THSD4: variants seen among roughly 807,000 people sequenced by gnomAD.
The protein encoded by THSD4 is thrombospondin type-1 domain-containing protein 4.
A neutral mutation model predicts 119.0 loss-of-function variants in THSD4; 69 were observed. The observed-to-expected ratio is 0.58, with a 90% CI of 0.48 to 0.71. The LOEUF is 0.71. THSD4 is among the 30% of genes least tolerant of loss of function. The probability of loss-of-function intolerance (pLI) is 0.00; values close to 1 mark genes in which losing one functional copy is unlikely to be tolerated. For synonymous variants in THSD4, 524 were observed against 540.4 expected (o/e 0.97, Z 0.42); for missense variants, 1,393 against 1,391.1 (o/e 1.00, Z -0.02).
chr15:71,140,238 A>C (rs1458144834), intron 1 of THSD4, among the ~76,000 whole-genome samples: 1 of 152,210 alleles, frequency 6.6e-6, no homozygotes, highest in Non-Finnish European at 1.5e-5. Flanking sequence ...AGGCTGTACA[A>C]GAAGCATGGT....
At chr15:71,748,256 G>T (rs1312482261) in intron 13 of THSD4, among the ~76,000 whole-genome samples, 165 bp from the exon 14 acceptor site, 2 of 152,126 alleles carry the variant, frequency 1.3e-5, no homozygotes, top group African/African-American at 2.4e-5. Context: ...TGTAGAAAAG[G>T]GTTGTGGAGT....
intron 4 of THSD4, among the ~76,000 whole-genome samples, 197 bp from the exon 5 acceptor site, chr15:71,242,452 A>G (rs1371960194): frequency 6.6e-6 from 1 of 152,002 alleles, no homozygotes; most frequent in African/African-American, 2.4e-5. Flanking sequence ...TCTACTTTCC[A>G]ACTTCTGTGG....
intron 6 of THSD4, among the ~76,000 whole-genome samples, chr15:71,377,867 A>AACACACACACACACACACACACACAC (rs376497737): frequency 5.2e-4 from 45 of 86,332 alleles, no homozygotes; most frequent in African/African-American, 1.9e-3. Context: ...ACATATCCAC[A>AACACACACACACACACACACACACAC]ACACACACAC....
intron 6 of THSD4, among the ~76,000 whole-genome samples, chr15:71,368,252 G>A (rs1157195013): frequency 6.6e-6 from 1 of 152,118 alleles, no homozygotes; most frequent in African/African-American, 2.4e-5. Context: ...CACTCTGATG[G>A]TTGTTTCTTT....
At chr15:71,344,012 G>A (rs1463140245) in intron 6 of THSD4, among the ~76,000 whole-genome samples, 2 of 150,462 alleles carry the variant, frequency 1.3e-5, no homozygotes, top group Admixed American at 6.6e-5. Context: ...GGTTACAGGC[G>A]TGAGCCACTG....
chr15:71,272,676 C>T (rs1018979724), intron 6 of THSD4, among the ~76,000 whole-genome samples: 6 of 151,842 alleles, frequency 4.0e-5, no homozygotes, highest in Non-Finnish European at 5.9e-5. Flanking sequence ...AGCTTGGCCA[C>T]GTAGTGAAGC....
Position 71,745,223 on chromosome 15 carries a change from C to G in THSD4, c.2024C>G (p.Pro675Arg). ...TPEEEPCNIF[P>R]CPAFWDIGEW... is the part of the protein sequence containing the mutation. The stretch of plus-strand genomic sequence containing the variant: ...GAGGAGGAGCCCTGCAACATCTTCC[C>G]TTGCCCAGCCTTGTAAGAAGGCCCC... Residue 675 changes from proline (P) to arginine (R), a missense_variant, in exon 12 of 18, where the codon CCT (proline) becomes CGT (arginine). Pro to Arg is a moderately radical substitution (Grantham distance 103, BLOSUM62 -2). Coordinates refer to ENST00000261862, the MANE Select transcript of THSD4 (RefSeq NM_024817.3). 6.2e-7 allele frequency: 1 copy of G among 1,613,920 alleles called. No homozygotes were observed. Among genetic ancestry groups the G allele is most frequent in the African/African-American group, 1.3e-5 (1 of 75,038 alleles).
At chr15:71,690,414 A>T (rs905117522) in intron 8 of THSD4, among the ~76,000 whole-genome samples, 2 of 152,180 alleles carry the variant, frequency 1.3e-5, no homozygotes, top group Non-Finnish European at 2.9e-5. Context: ...CGTCTAGCAG[A>T]GTAGGAGCCA....
At chr15:71,461,133 A>G (rs2047423757) in intron 7 of THSD4, among the ~76,000 whole-genome samples, 1 of 152,194 alleles carries the variant, frequency 6.6e-6, no homozygotes, top group African/African-American at 2.4e-5. Context: ...TCAAGATGTT[A>G]GTTGGGTCTG....
intron 7 of THSD4, among the ~76,000 whole-genome samples, chr15:71,619,884 A>G (rs968350341): frequency 3.9e-5 from 6 of 152,200 alleles, no homozygotes; most frequent in Non-Finnish European, 1.5e-5. Context: ...ACGTTGTTTA[A>G]CTATTTCTTA....
intron 8 of THSD4, among the ~76,000 whole-genome samples, chr15:71,682,920 CTT>C (rs71154794): frequency 3.7e-5 from 2 of 53,528 alleles, no homozygotes; most frequent in Admixed American, 2.3e-4. Context: ...TCTTCTTCTT[CTT>C]TTTTTTTTTT....
intron 7 of THSD4, among the ~76,000 whole-genome samples, chr15:71,651,519 G>A (rs916541655): frequency 5.3e-5 from 8 of 152,172 alleles, no homozygotes; most frequent in Middle Eastern, 3.4e-3. Context: ...CCTCTCAGCC[G>A]TCCCTGGAGA....
chr15:71,414,969 G>T (rs1416088612), intron 7 of THSD4, among the ~76,000 whole-genome samples: 1 of 152,222 alleles, frequency 6.6e-6, no homozygotes, highest in Non-Finnish European at 1.5e-5. Flanking sequence ...CTGAACTTCT[G>T]TTTACTTTGC....
intron 6 of THSD4, among the ~76,000 whole-genome samples, chr15:71,354,861 C>G (rs1307466380): frequency 6.6e-6 from 1 of 152,158 alleles, no homozygotes; most frequent in African/African-American, 2.4e-5. Flanking sequence ...ATATACAAAA[C>G]TCTGGTTATG....
rs76913031 is a variant in THSD4 at position 71,380,429 on chromosome 15, A to C, written c.1016-31258A>C. ...TTTATATTCTTGCTAATCTAGTCAA[A>C]ATGAAACCGTTTGATGCTCAATGAA... On this transcript the variant is annotated intron_variant, in intron 6 of 17. Transcript: ENST00000261862. 3.9e-3 allele frequency among the ~76,000 whole-genome samples: 588 copies of C among 152,220 alleles called. 11 individuals are homozygous for C. Among genetic ancestry groups the C allele is most frequent in the East Asian group, 0.021 (108 of 5,186 alleles).
chr15:71,598,645 A>G (rs1393276480), intron 7 of THSD4, among the ~76,000 whole-genome samples: 3 of 151,800 alleles, frequency 2.0e-5, no homozygotes, highest in South Asian at 2.1e-4. Context: ...TTGTTTTGAG[A>G]CAGGGTCTCA....
chr15:71,750,980 A>G (rs142568886), intron 14 of THSD4, among the ~76,000 whole-genome samples: 30 of 152,342 alleles, frequency 2.0e-4, no homozygotes, highest in Non-Finnish European at 3.4e-4. Context: ...CAAACCCTTT[A>G]TCAGAAATTC....
chr15:71,658,637 G>A (rs1375049727), intron 7 of THSD4, among the ~76,000 whole-genome samples: 1 of 152,202 alleles, frequency 6.6e-6, no homozygotes, highest in African/African-American at 2.4e-5. Context: ...TTCAAGGGGG[G>A]TGGGGCTATG....
Position 71,252,529 on chromosome 15 carries a change from C to T in THSD4, c.913-4084C>T, listed in dbSNP as rs115994633. ...TTCGCCAGGCCTCGGGGGCTGATTC[C>T]GGCTTTGGCCTCTAGCCCTATCCTG... On this transcript the variant is annotated intron_variant, in intron 5 of 17. Coordinates refer to ENST00000261862, the MANE Select transcript of THSD4 (RefSeq NM_024817.3). 6.6e-3 allele frequency among the ~76,000 whole-genome samples: 1,011 copies of T among 152,348 alleles called. 6 individuals carry two copies. The highest frequency in any genetic ancestry group is 0.012 in the African/African-American group (479 of 41,592).
Sources: gnomAD v4.1 joint callset for allele counts (sites outside exome capture counted in the v4.1 genomes callset) on GRCh38, gnomAD v4.1.1 for gene constraint, MANE v1.5 for transcripts, NCBI Gene and HGNC (gene_info 2026-07-23, HGNC 2026-07-21) for gene names.